GALNTL5: variants seen among roughly 807,000 people sequenced by gnomAD.
GALNTL5 encodes the protein polypeptide N-acetylgalactosaminyltransferase like 5, also known as inactive polypeptide N-acetylgalactosaminyltransferase-like protein 5.
GALNTL5 carries 44 observed loss-of-function variants against 51.0 expected under a neutral mutation model. The observed-to-expected ratio is 0.86, with a 90% CI of 0.68 to 1.11. The LOEUF is 1.11. Ranked by LOEUF, GALNTL5 falls within the 50% of genes least tolerant of loss-of-function variation. The probability of loss-of-function intolerance (pLI) is 0.00; values close to 1 mark genes in which losing one functional copy is unlikely to be tolerated. For missense variants in GALNTL5, 528 were observed against 531.8 expected (o/e 0.99, Z 0.07); for synonymous variants, 192 against 182.8 (o/e 1.05, Z -0.41).
intron 7 of GALNTL5, among the ~76,000 whole-genome samples, chr7:152,008,495 A>G (rs1472857699): frequency 6.6e-6 from 1 of 151,564 alleles, no homozygotes; most frequent in Non-Finnish European, 1.5e-5. Flanking sequence ...TTTTAAATCT[A>G]TTGTCTTTAT....
intron 5 of GALNTL5, among the ~76,000 whole-genome samples, chr7:151,993,330 T>C (rs2081451273): frequency 7.2e-5 from 11 of 152,162 alleles, no homozygotes; most frequent in Admixed American, 7.2e-4. Flanking sequence ...ACAAATTGTA[T>C]GGTTTTTCTT....
intron 8 of GALNTL5, among the ~76,000 whole-genome samples, chr7:152,019,117 G>A (rs1370205592): frequency 6.6e-6 from 1 of 152,124 alleles, no homozygotes; most frequent in Non-Finnish European, 1.5e-5. Flanking sequence ...CTCGCCCAGG[G>A]GCTTTGCATG....
intron 5 of GALNTL5, among the ~76,000 whole-genome samples, chr7:151,991,762 T>C (rs1050160957): frequency 1.1e-4 from 16 of 152,202 alleles, no homozygotes; most frequent in Non-Finnish European, 1.9e-4. Context: ...GTAGGACAAA[T>C]CTTTCCACTT....
At chr7:152,005,643 G>A (rs1261739113) in intron 6 of GALNTL5, among the ~76,000 whole-genome samples, 1 of 152,158 alleles carries the variant, frequency 6.6e-6, no homozygotes, top group Non-Finnish European at 1.5e-5. Context: ...CCAATCTGGT[G>A]AGATTTCTTC....
At chr7:152,012,173 G>A (rs1170431825) in intron 7 of GALNTL5, among the ~76,000 whole-genome samples, 2 of 152,194 alleles carry the variant, frequency 1.3e-5, no homozygotes, top group Non-Finnish European at 2.9e-5. Flanking sequence ...GGCCAAATGT[G>A]TCAAACAGAG....
chr7:151,971,099 A>ATAGATAGG, intron 3 of GALNTL5, 34 bp downstream of exon 3: 1 of 1,012,396 alleles, frequency 9.9e-7, no homozygotes, highest in South Asian at 1.4e-5. Context: ...CATTCTCTAG[A>ATAGATAGG]TAGATAGATA....
chr7:151,998,130 G>A (rs1040268826), intron 5 of GALNTL5, among the ~76,000 whole-genome samples: 17 of 152,126 alleles, frequency 1.1e-4, no homozygotes, highest in Admixed American at 1.0e-3. Context: ...GATCGCTTGA[G>A]TCCAGGAGTT....
At chr7:152,015,543 A>G (rs1440677438) in intron 8 of GALNTL5, among the ~76,000 whole-genome samples, 4 of 151,920 alleles carry the variant, frequency 2.6e-5, no homozygotes, top group Non-Finnish European at 5.9e-5. Flanking sequence ...TATTTTTAGT[A>G]GAGACAGGGT....
intron 2 of GALNTL5, among the ~76,000 whole-genome samples, chr7:151,968,085 C>T (rs767458852): frequency 6.6e-6 from 1 of 152,082 alleles, no homozygotes; most frequent in Non-Finnish European, 1.5e-5. Context: ...CACTTGAGGC[C>T]AGGAGTTCAA....
At chr7:151,980,543 T>C (rs979591359) in intron 3 of GALNTL5, among the ~76,000 whole-genome samples, 5 of 151,970 alleles carry the variant, frequency 3.3e-5, no homozygotes, top group African/African-American at 1.2e-4. Flanking sequence ...TCAGTTCCAC[T>C]CAGTGGGCAT....
In GALNTL5 at chr7:152,002,663, C is replaced by A. The variant is rs367764166; in HGVS notation, c.659-51C>A. ...CACATTGAACTTTGATTTGGATTGC[C>A]GTATTTTTTCAGCTATGTGGACTAA... On this transcript the variant is annotated intron_variant, in intron 5 of 8. Transcript: ENST00000392800. 1.8e-5 allele frequency: 28 copies of A among 1,586,680 alleles called. 1 individual carries two copies. In the South Asian group the frequency reaches 2.8e-4, roughly 16 times the overall value.
chr7:151,964,894 C>A (rs2081038871), intron 1 of GALNTL5, among the ~76,000 whole-genome samples: 1 of 152,160 alleles, frequency 6.6e-6, no homozygotes, highest in African/African-American at 2.4e-5. Flanking sequence ...CCACCTCAGA[C>A]GTAGCAACCT....
intron 2 of GALNTL5, 148 bp downstream of exon 2, chr7:151,967,641 T>C: frequency 9.7e-6 from 5 of 513,784 alleles, no homozygotes; most frequent in Middle Eastern, 5.5e-4. Context: ...TATCTATACA[T>C]AGAAAATAAT....
chr7:152,017,128 C>A (rs1586860365), intron 8 of GALNTL5, among the ~76,000 whole-genome samples: 1 of 151,880 alleles, frequency 6.6e-6, no homozygotes, highest in East Asian at 1.9e-4. Flanking sequence ...TATGAGAAAT[C>A]ATCATTAGGT....
At chr7:151,994,762 A>ATTT (rs55666718) in intron 5 of GALNTL5, among the ~76,000 whole-genome samples, 2,100 of 144,158 alleles carry the variant, frequency 0.015, 48 homozygotes, top group African/African-American at 0.051. Context: ...CTTACCCCCA[A>ATTT]TTTTTTTTTT....
chr7:151,996,663 C>T (rs532585335), intron 5 of GALNTL5, among the ~76,000 whole-genome samples: 7 of 152,050 alleles, frequency 4.6e-5, no homozygotes, highest in East Asian at 1.9e-4. Context: ...GCAGGAGGAT[C>T]GCTCGAGCCC....
intron 7 of GALNTL5, among the ~76,000 whole-genome samples, chr7:152,011,811 AT>A (rs751354135): frequency 2.0e-5 from 3 of 152,260 alleles, no homozygotes; most frequent in Admixed American, 6.5e-5. Flanking sequence ...TCTGCTCAGA[AT>A]TTCTATTCCT....
intron 7 of GALNTL5, among the ~76,000 whole-genome samples, chr7:152,010,540 G>A (rs570258805): frequency 6.6e-6 from 1 of 152,088 alleles, no homozygotes; most frequent in South Asian, 2.1e-4. Flanking sequence ...GGCCAAAGTA[G>A]GTGGATCACC....
At chr7:151,971,733 A>G (rs1315613656) in intron 3 of GALNTL5, among the ~76,000 whole-genome samples, 1 of 152,134 alleles carries the variant, frequency 6.6e-6, no homozygotes, top group Non-Finnish European at 1.5e-5. Flanking sequence ...TGATTGGATC[A>G]TGGGGGTGGT....
Sources: gnomAD v4.1 joint callset for allele counts (sites outside exome capture counted in the v4.1 genomes callset) on GRCh38, gnomAD v4.1.1 for gene constraint, MANE v1.5 for transcripts, NCBI Gene and HGNC (gene_info 2026-07-23, HGNC 2026-07-21) for gene names.